The following ADARB2 variants were observed in gnomAD, a reference collection of about 807,000 sequenced individuals.
The protein encoded by ADARB2 is inactive double-stranded RNA-specific editase B2.
Under a neutral mutation model 62.2 loss-of-function variants are expected in ADARB2, and 25 were observed. The observed-to-expected ratio is 0.40, with a 90% CI of 0.29 to 0.56. ADARB2 has a LOEUF of 0.56. Among genes scored for constraint, ADARB2 ranks in the 20% least tolerant of loss-of-function variants. ADARB2 has a pLI of 0.43. For missense variants in ADARB2, 1,071 were observed against 1,077.4 expected, an observed-to-expected ratio of 0.99 and a Z score of 0.08; for synonymous variants, 572 against 500.8, an observed-to-expected ratio of 1.14 and a Z score of -1.90.
intron 7 of ADARB2, 26 bp downstream of exon 7, chr10:1,216,925 C>T (rs556632456): frequency 6.3e-7 from 1 of 1,588,232 alleles, no homozygotes; most frequent in South Asian, 1.1e-5. Flanking sequence ...CAGCCAACAT[C>T]CTCGAGAGGA....
chr10:1,478,436 G>T (rs1053679326), intron 1 of ADARB2, among the ~76,000 whole-genome samples: 1 of 152,178 alleles, frequency 6.6e-6, no homozygotes, highest in African/African-American at 2.4e-5. Context: ...AGTACCCTGG[G>T]TCCAACTCTT....
At chr10:1,591,997 G>A (rs1416356247) in intron 1 of ADARB2, among the ~76,000 whole-genome samples, 1 of 152,236 alleles carries the variant, frequency 6.6e-6, no homozygotes, top group Non-Finnish European at 1.5e-5. Context: ...CTGGGCAGGG[G>A]TTCCGGCTCT....
chr10:1,202,720 C>A (rs1410813232), intron 7 of ADARB2, among the ~76,000 whole-genome samples: 1 of 152,232 alleles, frequency 6.6e-6, no homozygotes, highest in East Asian at 1.9e-4. Flanking sequence ...GTTAGTGCGT[C>A]TTAAAATGTC....
At chr10:1,289,793 G>A (rs752563168) in intron 3 of ADARB2, among the ~76,000 whole-genome samples, 21 of 152,374 alleles carry the variant, frequency 1.4e-4, no homozygotes, top group Admixed American at 5.2e-4. Flanking sequence ...CGGTGGGTGT[G>A]CCACAGCCAG....
chr10:1,724,555 C>T (rs1397255118), intron 1 of ADARB2, among the ~76,000 whole-genome samples: 4 of 152,234 alleles, frequency 2.6e-5, no homozygotes, highest in African/African-American at 9.6e-5. Flanking sequence ...TGCCTGTCAT[C>T]CTGGGTCCCC....
intron 1 of ADARB2, among the ~76,000 whole-genome samples, chr10:1,702,858 A>C (rs564357387): frequency 6.6e-6 from 1 of 152,374 alleles, no homozygotes; most frequent in African/African-American, 2.4e-5. Context: ...AGCAGATTGC[A>C]ATGCAAGATT....
At chr10:1,337,972 GAC>G (rs1045877928) in intron 3 of ADARB2, among the ~76,000 whole-genome samples, 3 of 152,224 alleles carry the variant, frequency 2.0e-5, no homozygotes, top group Non-Finnish European at 2.9e-5. Context: ...ACCTGGGACT[GAC>G]ACGTGCTTCT....
chr10:1,280,289 A>G (rs1831358383), intron 3 of ADARB2, among the ~76,000 whole-genome samples: 2 of 152,158 alleles, frequency 1.3e-5, no homozygotes, highest in East Asian at 3.9e-4. Context: ...ACAAAACATG[A>G]TGTCACCTGA....
At chr10:1,310,553 A>G (rs577595376) in intron 3 of ADARB2, among the ~76,000 whole-genome samples, 18 of 152,332 alleles carry the variant, frequency 1.2e-4, no homozygotes, top group African/African-American at 4.3e-4. Context: ...TATTTTACTA[A>G]TTTACTGAGC....
chr10:1,610,079 C>T (rs1833548465), intron 1 of ADARB2, among the ~76,000 whole-genome samples: 2 of 152,058 alleles, frequency 1.3e-5, no homozygotes, highest in African/African-American at 4.8e-5. Flanking sequence ...GCCTGTTTTC[C>T]TTTTTAAGAT....
intron 1 of ADARB2, among the ~76,000 whole-genome samples, chr10:1,406,695 T>C (rs1399020852): frequency 6.6e-6 from 1 of 152,196 alleles, no homozygotes; most frequent in Non-Finnish European, 1.5e-5. Context: ...CTGGCACCCC[T>C]TGTGACTGCT....
intron 1 of ADARB2, among the ~76,000 whole-genome samples, chr10:1,407,930 C>T (rs2131876835): frequency 1.3e-5 from 2 of 152,288 alleles, no homozygotes; most frequent in Admixed American, 1.3e-4. Flanking sequence ...CTTTCTTTGA[C>T]TCTAAAATGA....
At chr10:1,188,309 G>A (rs1463332702) in intron 8 of ADARB2, 4 of 152,262 alleles carry the variant, frequency 2.6e-5, no homozygotes, top group Admixed American at 2.6e-4. Context: ...TGTTCTCCAA[G>A]TCACACAGAT....
At chr10:1,581,179 G>C (rs1418084204) in intron 1 of ADARB2, among the ~76,000 whole-genome samples, 1 of 152,238 alleles carries the variant, frequency 6.6e-6, no homozygotes, top group East Asian at 1.9e-4. Context: ...TGGTCTGGGA[G>C]AAGACTGCTG....
chr10:1,300,592 C>T (rs1359714979), intron 3 of ADARB2, among the ~76,000 whole-genome samples: 1 of 152,204 alleles, frequency 6.6e-6, no homozygotes. Context: ...TTACTGAAGA[C>T]CTGTTCAAAA....
chr10:1,445,682 T>C (rs10903448), intron 1 of ADARB2, among the ~76,000 whole-genome samples: 89,583 of 152,128 alleles, frequency 0.59, 28,255 homozygotes, highest in Middle Eastern at 0.72. Context: ...AATTAAAAAT[T>C]GCCAGTTAAG....
chr10:1,736,549 G>A (rs1001876405), intron 1 of ADARB2, among the ~76,000 whole-genome samples: 2 of 152,210 alleles, frequency 1.3e-5, no homozygotes, highest in African/African-American at 4.8e-5. Flanking sequence ...ACAAATCGAC[G>A]GGCACCACAT....
intron 1 of ADARB2, among the ~76,000 whole-genome samples, chr10:1,645,325 T>C (rs1473278802): frequency 6.6e-6 from 1 of 152,204 alleles, no homozygotes. Flanking sequence ...ACTGATTCTA[T>C]ATGTCCCTAC....
chr10:1,695,209 C>T (rs1044323614), intron 1 of ADARB2, among the ~76,000 whole-genome samples: 23 of 152,192 alleles, frequency 1.5e-4, no homozygotes, highest in African/African-American at 5.1e-4. Flanking sequence ...ACACCAGCTG[C>T]CCTGCATGGT....
Sources: allele counts gnomAD v4.1 joint callset (sites outside exome capture counted in the v4.1 genomes callset), GRCh38; gene constraint gnomAD v4.1.1; transcripts MANE v1.5; gene names NCBI Gene and HGNC (gene_info 2026-07-23, HGNC 2026-07-21).